PPEF2: variants seen among roughly 807,000 people sequenced by gnomAD.
PPEF2 encodes the protein serine/threonine-protein phosphatase with EF-hands 2.
PPEF2 carries 84 observed loss-of-function variants against 84.7 expected under a neutral mutation model. The ratio of observed to expected loss-of-function variants is 0.99; its 90% confidence interval spans 0.83 to 1.19. The LOEUF (loss-of-function observed/expected upper bound fraction) is 1.19, where lower values mean the gene tolerates loss of function less well. Among genes scored for constraint, PPEF2 ranks in the 50% most tolerant of loss-of-function variants. PPEF2 has a pLI of 0.00. For synonymous variants in PPEF2, 346 were observed against 345.2 expected (o/e 1.00, Z -0.03); for missense variants, 924 against 937.5 (o/e 0.99, Z 0.19).
At chr4:75,892,706 C>CA (rs1724919441) in intron 2 of PPEF2, among the ~76,000 whole-genome samples, 1 of 152,148 alleles carries the variant, frequency 6.6e-6, no homozygotes, top group East Asian at 1.9e-4. Context: ...TCATTTTTGC[C>CA]AGGACCTGTG....
chr4:75,888,370 T>C lies in PPEF2; in HGVS notation c.418-42A>G, dbSNP rs151300703. ...GAGGGAAGGAAGAAAACAACACTGA[T>C]ATTCGTGAGGGAAAATGGTCCTTAC... On this transcript the variant is annotated intron_variant, in intron 5 of 16. Coordinates refer to ENST00000286719, the MANE Select transcript of PPEF2 (RefSeq NM_006239.3). The C allele has an allele frequency of 4.3e-4, 618 of 1,443,986 alleles. 4 individuals are homozygous for C. In the African/African-American group the frequency reaches 7.8e-3, roughly 18 times the overall value. 89.4% of individuals were successfully genotyped at this position (1,443,986 alleles called of 1,614,324 possible).
intron 1 of PPEF2, among the ~76,000 whole-genome samples, chr4:75,897,893 T>C (rs1410631941): frequency 5.9e-5 from 9 of 151,946 alleles, no homozygotes; most frequent in East Asian, 3.8e-4. Flanking sequence ...CACAGAAATA[T>C]AGAGGTGCGA....
At position 75,866,180 on chromosome 4, in the gene PPEF2, C is replaced by T; in HGVS notation, c.1920+9G>A. 2 of 1,606,024 alleles carry T rather than the reference C, an allele frequency of 1.2e-6. No individual in the cohort carries two copies. Among genetic ancestry groups the T allele is most frequent in the Non-Finnish European group, 1.7e-6 (2 of 1,175,450 alleles). On this transcript the variant is annotated intron_variant, in intron 15 of 16. Coordinates refer to ENST00000286719, the MANE Select transcript of PPEF2 (RefSeq NM_006239.3). The stretch of plus-strand genomic sequence containing the variant: ...CATGTGCTCTCATCCACCATTACCA[C>T]ACCGTTACCTCGCGACTCAGTTGTT...
rs372479638 is a variant in PPEF2 at position 75,888,132 on chromosome 4, C to T, written c.532+82G>A. ...CTTATCATCACATCTCCCTGCAGCC[C>T]GCCACTCCTCTTGCATCCCCACACA... On this transcript the variant is annotated intron_variant, in intron 6 of 16. Coordinates refer to ENST00000286719, the MANE Select transcript of PPEF2 (RefSeq NM_006239.3). 5,635 of 1,095,474 alleles carry T rather than the reference C, an allele frequency of 5.1e-3. 37 individuals carry two copies. Among genetic ancestry groups the T allele is most frequent in the South Asian group, 0.01 (782 of 77,406 alleles). The allele number at this position is 1,095,474 out of a possible 1,614,324, so 67.9% of individuals were successfully genotyped here.
intron 7 of PPEF2, among the ~76,000 whole-genome samples, chr4:75,886,009 T>TAAA (rs35789945): frequency 6.9e-6 from 1 of 144,242 alleles, no homozygotes; most frequent in African/African-American, 2.5e-5. Context: ...AACTCTGTCT[T>TAAA]AAAAAAAAAA....
intron 13 of PPEF2, among the ~76,000 whole-genome samples, chr4:75,869,003 G>A (rs923078089): frequency 6.6e-6 from 1 of 152,056 alleles, no homozygotes; most frequent in Non-Finnish European, 1.5e-5. Context: ...ACAGAGCAAG[G>A]CCCTGTCTCT....
Position 75,890,147 on chromosome 4 carries a change from A to G in PPEF2, c.242-15T>C, listed in dbSNP as rs762419162. On this transcript the variant is annotated splice_polypyrimidine_tract_variant and intron_variant, in intron 4 of 16. Coordinates refer to ENST00000286719, the MANE Select transcript of PPEF2 (RefSeq NM_006239.3). ...CAGGAAGTCCCCTAGTCCAGATAGA[A>G]AAGGTGGATCAGCTTATGATCATCT... The G allele has an allele frequency of 6.2e-7, 1 of 1,613,352 alleles. No homozygotes were observed. Among genetic ancestry groups the G allele is most frequent in the Non-Finnish European group, 8.5e-7 (1 of 1,179,620 alleles).
chr4:75,880,960 C>T lies in PPEF2; in HGVS notation c.933+1966G>A, dbSNP rs183808337. Among the ~76,000 whole-genome samples the T allele has an allele frequency of 4.2e-3, 637 of 150,568 alleles. 8 individuals carry two copies. Among genetic ancestry groups the T allele is most frequent in the African/African-American group, 0.014 (578 of 40,904 alleles). Reference sequence around the variant, plus strand: ...GACTACAGGCGCACGCTGCCATGCCCGGCTAATTTTTTTGTATTTTTAGTA... The same window carrying T: ...GACTACAGGCGCACGCTGCCATGCCTGGCTAATTTTTTTGTATTTTTAGTA... On this transcript the variant is annotated intron_variant, in intron 10 of 16. Coordinates refer to ENST00000286719, the MANE Select transcript of PPEF2 (RefSeq NM_006239.3).
chr4:75,862,873 A>G (rs764129765), intron 16 of PPEF2, among the ~76,000 whole-genome samples: 1 of 152,262 alleles, frequency 6.6e-6, no homozygotes, highest in African/African-American at 2.4e-5. Context: ...AGCATTGTTC[A>G]TAATAGCCAA....
chr4:75,900,855 T>G (rs199878900), intron 1 of PPEF2, among the ~76,000 whole-genome samples: 1 of 152,118 alleles, frequency 6.6e-6, no homozygotes, highest in African/African-American at 2.4e-5. Context: ...CAAGTCGATA[T>G]GTAATCATAT....
At chr4:75,883,113 T>C (rs1046701906) in intron 9 of PPEF2, 38 bp from the exon 10 acceptor site, 3 of 1,613,512 alleles carry the variant, frequency 1.9e-6, no homozygotes, top group Non-Finnish European at 2.5e-6. Flanking sequence ...TATCAAATAA[T>C]TCACTCAACT....
intron 2 of PPEF2, among the ~76,000 whole-genome samples, chr4:75,893,803 C>T (rs190829677): frequency 6.6e-6 from 1 of 151,106 alleles, no homozygotes; most frequent in East Asian, 1.9e-4. Flanking sequence ...ATACGTATTA[C>T]ATCCTCAGTC....
intron 8 of PPEF2, 43 bp downstream of exon 8, chr4:75,884,551 C>T: frequency 2.0e-6 from 3 of 1,509,570 alleles, no homozygotes; most frequent in Non-Finnish European, 2.7e-6. Context: ...TTTACAATTA[C>T]AACAAACAAA....
At chr4:75,881,320 G>A (rs13116352) in intron 10 of PPEF2, 131,629 of 151,916 alleles carry the variant, frequency 0.87, 59,833 homozygotes, top group Non-Finnish European at 0.99. Flanking sequence ...GGCTGGTCTC[G>A]AACTCCTTAC....
chr4:75,888,112 C>T, intron 6 of PPEF2, 102 bp downstream of exon 6: 2 of 886,358 alleles, frequency 2.3e-6, no homozygotes, highest in Non-Finnish European at 3.7e-6. Context: ...TTTGGCTTAT[C>T]ATCACATCTC....
At chr4:75,866,622 TTGTC>T (rs1192065087) in intron 14 of PPEF2, 36 of 439,372 alleles carry the variant, frequency 8.2e-5, no homozygotes, top group South Asian at 6.6e-4. Flanking sequence ...TGTTGTCTGT[TTGTC>T]TGTAATTCAA....
At chr4:75,871,857 G>GAGAC (rs1177372251) in intron 13 of PPEF2, among the ~76,000 whole-genome samples, 168 bp downstream of exon 13, 1 of 152,194 alleles carries the variant, frequency 6.6e-6, no homozygotes, top group African/African-American at 2.4e-5. Flanking sequence ...GGAGAAGGAA[G>GAGAC]AGACTCCTAC....
intron 10 of PPEF2, among the ~76,000 whole-genome samples, chr4:75,879,838 A>ATTTTTTTTTT (rs68095351): frequency 6.7e-6 from 1 of 149,426 alleles, no homozygotes. Context: ...ATTTACTTTT[A>ATTTTTTTTTT]TTTTTTTTTT....
At chr4:75,880,097 G>A (rs1013933054) in intron 10 of PPEF2, among the ~76,000 whole-genome samples, 1 of 152,086 alleles carries the variant, frequency 6.6e-6, no homozygotes, top group South Asian at 2.1e-4. Context: ...CAAAATGCTG[G>A]GATTACAGGC....
Sources: allele counts gnomAD v4.1 joint callset (sites outside exome capture counted in the v4.1 genomes callset), GRCh38; gene constraint gnomAD v4.1.1; transcripts MANE v1.5; gene names NCBI Gene and HGNC (gene_info 2026-07-23, HGNC 2026-07-21).